The following TPO variants were observed in gnomAD, a reference collection of about 807,000 sequenced individuals.
The protein encoded by TPO is thyroid peroxidase, also known as thyroid microsomal antigen.
In TPO, 78 loss-of-function variants were observed where a neutral mutation model predicts 96.9. That is an observed-to-expected ratio of 0.81 (90% CI 0.67 to 0.97). TPO has a LOEUF of 0.97. Among genes scored for constraint, TPO ranks in the 50% least tolerant of loss-of-function variants. The pLI is 0.00. For synonymous variants in TPO, 547 were observed against 538.0 expected (o/e 1.02, Z -0.23); for missense variants, 1,252 against 1,274.8 (o/e 0.98, Z 0.27).
At chr2:1,528,019 T>C (rs186391485) in intron 15 of TPO, among the ~76,000 whole-genome samples, 1,563 of 121,434 alleles carry the variant, frequency 0.013, 28 homozygotes, top group Non-Finnish European at 0.018. Flanking sequence ...CCTCCTCAAA[T>C]CCTCCCACTA....
intron 5 of TPO, among the ~76,000 whole-genome samples, chr2:1,449,436 G>A (rs892657213): frequency 6.6e-6 from 1 of 152,024 alleles, no homozygotes; most frequent in African/African-American, 2.4e-5. Flanking sequence ...AAATTATCCA[G>A]CAGGGAGAGA....
intron 1 of TPO, among the ~76,000 whole-genome samples, chr2:1,394,154 A>T (rs1662045073): frequency 6.6e-6 from 1 of 152,234 alleles, no homozygotes; most frequent in African/African-American, 2.4e-5. Context: ...ACATTGAAGC[A>T]TTTAGCACGA....
At chr2:1,420,967 A>G (rs1663450167) in intron 2 of TPO, among the ~76,000 whole-genome samples, 1 of 152,066 alleles carries the variant, frequency 6.6e-6, no homozygotes, top group African/African-American at 2.4e-5. Context: ...ACACCCCTCA[A>G]CAGGGAACAG....
intron 3 of TPO, among the ~76,000 whole-genome samples, chr2:1,432,124 A>G (rs1053137717): frequency 5.9e-5 from 9 of 152,248 alleles, no homozygotes; most frequent in African/African-American, 1.2e-4. Flanking sequence ...CCCAGAGCAC[A>G]GTCCGCTGTG....
At chr2:1,525,883 A>T (rs1192530905) in intron 15 of TPO, among the ~76,000 whole-genome samples, 1 of 139,640 alleles carries the variant, frequency 7.2e-6, no homozygotes, top group Non-Finnish European at 1.5e-5. Context: ...CAAACTCCTC[A>T]AATCCCAATA....
At chr2:1,541,426 T>C (rs1334169164) in intron 16 of TPO, 2 of 163,818 alleles carry the variant, frequency 1.2e-5, no homozygotes, top group East Asian at 1.8e-4. Context: ...GGCACAAACA[T>C]AGCTCACTGC....
chr2:1,469,391 G>A (rs575893427), intron 7 of TPO, among the ~76,000 whole-genome samples: 23 of 152,304 alleles, frequency 1.5e-4, no homozygotes, highest in African/African-American at 5.1e-4. Context: ...TTTCGCCCCA[G>A]GGGGTGTTCC....
chr2:1,537,639 C>T (rs1238141107), intron 15 of TPO, among the ~76,000 whole-genome samples: 4 of 136,164 alleles, frequency 2.9e-5, no homozygotes, highest in African/African-American at 1.1e-4. Flanking sequence ...GCAACATCCC[C>T]AGATCCCCCC....
intron 15 of TPO, among the ~76,000 whole-genome samples, chr2:1,536,822 CA>C (rs1679775969): frequency 1.5e-5 from 1 of 65,174 alleles, no homozygotes; most frequent in Non-Finnish European, 3.7e-5. Flanking sequence ...AAATCCCCCC[CA>C]CTGTGTGCAA....
chr2:1,521,994 G>A lies in TPO; in HGVS notation c.2618+5012G>A, dbSNP rs548753816. The stretch of plus-strand genomic sequence containing the variant: ...GGCAGCTCCCAGCCCCTCCCTCTGT[G>A]GCCCCACTTTCTTCACCCACTTCTG... On this transcript the variant is annotated intron_variant, in intron 15 of 16. Coordinates refer to ENST00000329066, the MANE Select transcript of TPO (RefSeq NM_001206744.2). 3.3e-5 allele frequency among the ~76,000 whole-genome samples: 5 copies of A among 152,064 alleles called. No homozygotes were observed. In the South Asian group the frequency reaches 1.0e-3, roughly 32 times the overall value.
chr2:1,471,880 G>A (rs1267504990), intron 7 of TPO, among the ~76,000 whole-genome samples: 1 of 151,982 alleles, frequency 6.6e-6, no homozygotes, highest in Non-Finnish European at 1.5e-5. Flanking sequence ...TGATCCTGAT[G>A]TTCATGGTGT....
At chr2:1,390,312 C>T (rs373632925) in intron 1 of TPO, among the ~76,000 whole-genome samples, 10 of 152,216 alleles carry the variant, frequency 6.6e-5, no homozygotes, top group East Asian at 5.8e-4. Context: ...ATGATGGTTT[C>T]GAGCTTCATC....
At chr2:1,422,573 G>A (rs1358057609) in intron 2 of TPO, among the ~76,000 whole-genome samples, 1 of 152,212 alleles carries the variant, frequency 6.6e-6, no homozygotes, top group Non-Finnish European at 1.5e-5. Flanking sequence ...GGAACTTCAC[G>A]GTGATACCCA....
At chr2:1,522,949 C>G (rs1387880064) in intron 15 of TPO, among the ~76,000 whole-genome samples, 5 of 150,580 alleles carry the variant, frequency 3.3e-5, no homozygotes, top group African/African-American at 1.2e-4. Flanking sequence ...TGTAACCTCC[C>G]CAAATTCCCC....
At chr2:1,391,335 G>T (rs1036990804) in intron 1 of TPO, among the ~76,000 whole-genome samples, 2 of 152,012 alleles carry the variant, frequency 1.3e-5, no homozygotes, top group Admixed American at 1.3e-4. Context: ...TCAGATGGTT[G>T]TGGATGTGTG....
chr2:1,440,151 T>C (rs562062373), intron 5 of TPO, among the ~76,000 whole-genome samples: 8 of 149,704 alleles, frequency 5.3e-5, no homozygotes, highest in African/African-American at 2.0e-4. Flanking sequence ...GCGTTTCCAA[T>C]GTGCTGCGTT....
At chr2:1,484,290 T>C (rs557883138) in intron 8 of TPO, among the ~76,000 whole-genome samples, 1 of 152,370 alleles carries the variant, frequency 6.6e-6, no homozygotes, top group Non-Finnish European at 1.5e-5. Context: ...GCCAGGAGTC[T>C]AGCTGCCCAG....
At chr2:1,513,273 T>C (rs533463717) in intron 14 of TPO, among the ~76,000 whole-genome samples, 1 of 152,312 alleles carries the variant, frequency 6.6e-6, no homozygotes, top group African/African-American at 2.4e-5. Context: ...TGAGTGGACA[T>C]GCGCTCAGGT....
intron 8 of TPO, 75 bp downstream of exon 8, chr2:1,477,679 C>T: frequency 7.1e-7 from 1 of 1,413,522 alleles, no homozygotes; most frequent in African/African-American, 1.5e-5. Context: ...TGCGCAGCAT[C>T]GTGGCTTCTC....
Sources: allele counts gnomAD v4.1 joint callset (sites outside exome capture counted in the v4.1 genomes callset), GRCh38; gene constraint gnomAD v4.1.1; transcripts MANE v1.5; gene names NCBI Gene and HGNC (gene_info 2026-07-23, HGNC 2026-07-21).